The following SFMBT2 variants were observed in gnomAD, a reference collection of about 807,000 sequenced individuals.
SFMBT2 encodes the protein Scm like with four mbt domains 2.
Under a neutral mutation model 110.1 loss-of-function variants are expected in SFMBT2, and 38 were observed. The ratio of observed to expected loss-of-function variants is 0.35; its 90% CI spans 0.27 to 0.45. The LOEUF is 0.45. SFMBT2 is among the 20% of genes least tolerant of loss of function. The probability of loss-of-function intolerance (pLI) is 1.00; values close to 1 mark genes in which losing one functional copy is unlikely to be tolerated. For missense variants in SFMBT2, 1,011 were observed against 1,094.9 expected, an observed-to-expected ratio of 0.92 and a Z score of 1.08; for synonymous variants, 425 against 425.4, an observed-to-expected ratio of 1.00 and a Z score of 0.01.
intron 1 of SFMBT2, among the ~76,000 whole-genome samples, chr10:7,397,700 C>G (rs1174079132): frequency 6.6e-6 from 1 of 152,204 alleles, no homozygotes; most frequent in African/African-American, 2.4e-5. Flanking sequence ...AGCATACAAG[C>G]AACAGCCCGG....
chr10:7,252,648 AT>A (rs1554793641), intron 7 of SFMBT2, among the ~76,000 whole-genome samples: 1 of 152,194 alleles, frequency 6.6e-6, no homozygotes, highest in Non-Finnish European at 1.5e-5. Context: ...TTTAAGAATA[AT>A]GCTCAGTGAG....
chr10:7,171,946 G>A lies in SFMBT2; in HGVS notation c.2364C>T (p.Ser788=). ...GGCACTTCTCCCCTTCCTCTGCTGA[G>A]GAGGCAGCCGGCGCCCCGCGGCCCC... ...TRRGRGAPAA[S]SAEEGEKCPP... is the part of the protein sequence containing the mutation. Residue 788 remains serine (S), a synonymous_variant, in exon 19 of 21, where the codon TCC becomes TCT. Coordinates refer to ENST00000397167, the MANE Select transcript of SFMBT2 (RefSeq NM_001387889.1). This position sits in a 1 kb window ranked among gnomAD's most constrained non-coding sequence, Gnocchi z 4.9. 1 of 1,467,848 alleles carries A rather than the reference G, an allele frequency of 6.8e-7. No individual in the cohort carries two copies. Among genetic ancestry groups the A allele is most frequent in the Non-Finnish European group, 9.0e-7 (1 of 1,112,978 alleles). 90.9% of individuals were successfully genotyped at this position (1,467,848 alleles called of 1,614,324 possible).
intron 4 of SFMBT2, among the ~76,000 whole-genome samples, chr10:7,339,145 C>A (rs1843812915): frequency 6.6e-6 from 1 of 152,126 alleles, no homozygotes; most frequent in Non-Finnish European, 1.5e-5. Context: ...GAGGCTGAGG[C>A]AGAAGAATCA....
At chr10:7,258,299 G>A (rs1037874442) in intron 7 of SFMBT2, among the ~76,000 whole-genome samples, 1 of 152,218 alleles carries the variant, frequency 6.6e-6, no homozygotes, top group Non-Finnish European at 1.5e-5. Context: ...CTCTGCAGCA[G>A]CAATCTCAGT....
Position 7,367,715 on chromosome 10 carries a change from C to T in SFMBT2, c.370G>A (p.Val124Ile), listed in dbSNP as rs1844950793. 6.2e-7 allele frequency: 1 copy of T among 1,614,056 alleles called. No homozygotes were observed. The highest frequency in any genetic ancestry group is 8.5e-7 in the Non-Finnish European group (1 of 1,180,042). Residue 124 changes from valine (V) to isoleucine (I), a missense_variant, in exon 4 of 21, where the codon GTC becomes ATC. This residue lies in a region of SFMBT2 where 979 missense variants were observed against 1,016.1 expected (regional missense o/e 0.96). Transcript: ENST00000397167. The surrounding 1 kb of genome is among the most constrained non-coding windows in gnomAD (Gnocchi z 6.2). ...CCCACGGGGTGCAAATCCGCGATGA[C>T]TACGTCACACCAGAAGTCGGCCCTG... ...DRRADFWCDV[V>I]IADLHPVGWC...
At chr10:7,240,689 G>C (rs765114461) in intron 9 of SFMBT2, among the ~76,000 whole-genome samples, 9 of 152,014 alleles carry the variant, frequency 5.9e-5, no homozygotes, top group Non-Finnish European at 1.2e-4. Flanking sequence ...TTCTCCTTGG[G>C]ATTTCTGTCT....
intron 4 of SFMBT2, among the ~76,000 whole-genome samples, chr10:7,319,161 T>C (rs1236646434): frequency 6.6e-6 from 1 of 152,172 alleles, no homozygotes; most frequent in Non-Finnish European, 1.5e-5. Flanking sequence ...GCAGTCAACA[T>C]GCAAACAAAA....
chr10:7,245,457 G>C (rs551891426), intron 8 of SFMBT2, among the ~76,000 whole-genome samples: 1 of 152,268 alleles, frequency 6.6e-6, no homozygotes, highest in South Asian at 2.1e-4. Context: ...GTTCACGTGG[G>C]AACACTCCAA....
chr10:7,291,655 G>C (rs1842263864), intron 4 of SFMBT2, among the ~76,000 whole-genome samples: 2 of 152,166 alleles, frequency 1.3e-5, no homozygotes, highest in African/African-American at 4.8e-5. Context: ...AGAAACCTTG[G>C]AGAGGCTGGT....
intron 4 of SFMBT2, among the ~76,000 whole-genome samples, chr10:7,345,081 A>G (rs1844066260): frequency 1.3e-5 from 2 of 152,064 alleles, no homozygotes; most frequent in Non-Finnish European, 2.9e-5. Flanking sequence ...AAGAACCCTG[A>G]CAGGGCTTCA....
chr10:7,248,492 G>C (rs1840691125), intron 8 of SFMBT2, 56 bp downstream of exon 8: 1 of 1,422,022 alleles, frequency 7.0e-7, no homozygotes, highest in African/African-American at 1.4e-5. Context: ...TGAGTTGAAA[G>C]GCTTAATTTG....
chr10:7,176,908 G>A (rs1838078408), intron 16 of SFMBT2, among the ~76,000 whole-genome samples: 1 of 152,136 alleles, frequency 6.6e-6, no homozygotes, highest in South Asian at 2.1e-4. Context: ...ATGAGTGGCA[G>A]TTAAAGGAAA....
In SFMBT2 at chr10:7,176,041, T is replaced by A. The variant is rs772365480; in HGVS notation, c.1933A>T (p.Ile645Leu). ...CCPNLFSPVL[I>L]SENCPENCSI... is the part of the protein sequence containing the mutation. ...CAGTTCTCTGGGCAGTTTTCAGATA[T>A]CAGCACAGGACTAAACAAATTTGGA... The change falls in exon 17 of 21, where the codon ATA becomes TTA. Residue 645 changes from isoleucine to leucine, a missense_variant. Physicochemically the swap from Ile to Leu is conservative, Grantham distance 5. This residue lies in a region of SFMBT2 where 979 missense variants were observed against 1,016.1 expected (regional missense o/e 0.96). Transcript: ENST00000397167. 15 of 1,614,046 alleles carry A rather than the reference T, an allele frequency of 9.3e-6. No individual in the cohort carries two copies. In the South Asian group the frequency reaches 1.6e-4, roughly 18 times the overall value.
At chr10:7,190,877 G>A (rs910944953) in intron 15 of SFMBT2, among the ~76,000 whole-genome samples, 5 of 152,178 alleles carry the variant, frequency 3.3e-5, no homozygotes, top group African/African-American at 7.2e-5. Flanking sequence ...ATGTGTTGTG[G>A]GAGGAACCTT....
intron 4 of SFMBT2, among the ~76,000 whole-genome samples, chr10:7,294,848 T>G (rs1277480184): frequency 1.3e-5 from 2 of 152,320 alleles, no homozygotes; most frequent in East Asian, 3.9e-4. Flanking sequence ...TCTTTTTCCT[T>G]TGCTTTTTTG....
intron 1 of SFMBT2, among the ~76,000 whole-genome samples, chr10:7,404,490 C>T (rs1344953291): frequency 6.6e-6 from 1 of 152,200 alleles, no homozygotes; most frequent in Admixed American, 6.5e-5. Context: ...CCGCTTCTCC[C>T]CCATGTCCCA....
chr10:7,172,747 A>C lies in SFMBT2; in HGVS notation c.1985-86T>G. On this transcript the variant is annotated intron_variant, in intron 17 of 20. Transcript: ENST00000397167. The surrounding 1 kb of genome is among the most constrained non-coding windows in gnomAD (Gnocchi z 4.6). ...AGAGGAGAGAGAAAGAAGGGAAACG[A>C]TTCTTTCATCTGATAGTTCATTTGT... 3 of 1,432,058 alleles carry C rather than the reference A, an allele frequency of 2.1e-6. No homozygotes were observed. Among genetic ancestry groups the C allele is most frequent in the Non-Finnish European group, 2.8e-6 (3 of 1,060,458 alleles). 88.7% of individuals were successfully genotyped at this position (1,432,058 alleles called of 1,614,324 possible). A position where few individuals can be genotyped will look rare whatever the true frequency, so the allele number is the denominator to read the frequency against.
chr10:7,211,169 T>C (rs1839336981), intron 11 of SFMBT2, among the ~76,000 whole-genome samples: 2 of 152,016 alleles, frequency 1.3e-5, no homozygotes, highest in African/African-American at 4.8e-5. Context: ...GCTATCTTTT[T>C]CCTTCCTCGT....
intron 1 of SFMBT2, 27 bp from the exon 2 acceptor site, chr10:7,381,976 C>G: frequency 7.4e-7 from 1 of 1,353,960 alleles, no homozygotes; most frequent in Non-Finnish European, 9.9e-7. Context: ...AAAAAAAAAT[C>G]AGAGCAGTTT....
Sources: gnomAD v4.1 joint callset for allele counts (sites outside exome capture counted in the v4.1 genomes callset) on GRCh38, gnomAD v4.1.1 for gene constraint, gnomAD v4.1.1 regional missense constraint, Gnocchi (gnomAD v3.1) non-coding constraint, MANE v1.5 for transcripts, NCBI Gene and HGNC (gene_info 2026-07-23, HGNC 2026-07-21) for gene names.